The following PLPP4 variants were observed in gnomAD, a reference collection of about 807,000 sequenced individuals.
PLPP4 encodes phospholipid phosphatase 4, also known as diacylglycerol pyrophosphate like 2.
In PLPP4, 20 loss-of-function variants were observed where a neutral mutation model predicts 32.2. That is an observed-to-expected ratio of 0.62 (90% confidence interval 0.44 to 0.90). PLPP4 has a LOEUF of 0.90. Among genes scored for constraint, PLPP4 ranks in the 40% least tolerant of loss-of-function variants. The probability of loss-of-function intolerance (pLI) is 0.00; values close to 1 mark genes in which losing one functional copy is unlikely to be tolerated. For synonymous variants in PLPP4, 127 were observed against 133.0 expected (o/e 0.95, Z 0.31); for missense variants, 257 against 353.1 (o/e 0.73, Z 2.18).
rs1391608021 is a variant in PLPP4, at chr10:120,468,015, G to T, written c.56+10654G>T. On this transcript the variant is annotated intron_variant, in intron 1 of 6. Coordinates refer to ENST00000398250, the MANE Select transcript of PLPP4 (RefSeq NM_001030059.3). The stretch of plus-strand genomic sequence containing the variant: ...TGGTTTTCTGTTCCTGCATTATCTT[G>T]CTAAGGATAATGACCTCCAGCCCCA... 3.1e-5 allele frequency among the ~76,000 whole-genome samples: 2 copies of T among 64,458 alleles called. 1 individual carries two copies. The highest frequency in any genetic ancestry group is 9.0e-5 in the Non-Finnish European group (2 of 22,238). 42.3% of individuals were successfully genotyped at this position (64,458 alleles called of 152,430 possible). A position where few individuals can be genotyped will look rare whatever the true frequency, so the allele number is the denominator to read the frequency against.
At chr10:120,510,696 C>G (rs1845689730) in intron 2 of PLPP4, among the ~76,000 whole-genome samples, 1 of 127,608 alleles carries the variant, frequency 7.8e-6, no homozygotes, top group Admixed American at 8.3e-5. Context: ...GTGTTTTGCC[C>G]TAGGAGGAAG....
At chr10:120,557,462 C>T (rs1351022241) in intron 5 of PLPP4, among the ~76,000 whole-genome samples, 7 of 152,118 alleles carry the variant, frequency 4.6e-5, no homozygotes, top group Admixed American at 2.6e-4. Context: ...AACCTCCAAA[C>T]GCCTCTTGTA....
intron 6 of PLPP4, among the ~76,000 whole-genome samples, chr10:120,578,741 A>G (rs1010701200): frequency 6.6e-6 from 1 of 152,220 alleles, no homozygotes; most frequent in Non-Finnish European, 1.5e-5. Context: ...GGAAGGAGAC[A>G]TGAAACATTT....
At chr10:120,565,468 T>C (rs1848652056) in intron 5 of PLPP4, among the ~76,000 whole-genome samples, 1 of 152,176 alleles carries the variant, frequency 6.6e-6, no homozygotes, top group Non-Finnish European at 1.5e-5. Context: ...TCTTTCTTTC[T>C]GAACTTTGAT....
chr10:120,563,950 G>T (rs554736994), intron 5 of PLPP4, among the ~76,000 whole-genome samples: 3 of 148,038 alleles, frequency 2.0e-5, no homozygotes, highest in Non-Finnish European at 4.5e-5. Context: ...TGGTATTTTT[G>T]CTTTGAGCCT....
chr10:120,508,571 TCC>T (rs1338693121), intron 2 of PLPP4, among the ~76,000 whole-genome samples: 9 of 152,298 alleles, frequency 5.9e-5, no homozygotes, highest in Non-Finnish European at 1.3e-4. Flanking sequence ...TTTTGTGGTT[TCC>T]CAGAAGCGCC....
At chr10:120,579,083 G>A (rs535118466) in intron 6 of PLPP4, among the ~76,000 whole-genome samples, 2 of 152,310 alleles carry the variant, frequency 1.3e-5, no homozygotes, top group Non-Finnish European at 2.9e-5. Context: ...ACAACTACTA[G>A]TGGCAGGAAT....
chr10:120,496,742 G>A (rs142334459), intron 1 of PLPP4, among the ~76,000 whole-genome samples: 36 of 152,260 alleles, frequency 2.4e-4, no homozygotes, highest in African/African-American at 7.5e-4. Context: ...ATTTGGCAAA[G>A]ATGATAGTCC....
chr10:120,565,604 C>G (rs1424957686), intron 5 of PLPP4, among the ~76,000 whole-genome samples: 1 of 152,022 alleles, frequency 6.6e-6, no homozygotes, highest in African/African-American at 2.4e-5. Context: ...CAACTTGCTT[C>G]TCTTTTTGTG....
At chr10:120,462,373 GTT>G (rs892653723) in intron 1 of PLPP4, among the ~76,000 whole-genome samples, 1 of 152,208 alleles carries the variant, frequency 6.6e-6, no homozygotes, top group Admixed American at 6.5e-5. Context: ...ATGCTCAGAT[GTT>G]TGCCCAGGGG....
intron 5 of PLPP4, among the ~76,000 whole-genome samples, chr10:120,542,702 C>G (rs1241187756): frequency 6.6e-6 from 1 of 152,202 alleles, no homozygotes; most frequent in African/African-American, 2.4e-5. Flanking sequence ...CCTACATTCT[C>G]AATTCCGCAG....
At chr10:120,486,478 T>C (rs1024243251) in intron 1 of PLPP4, among the ~76,000 whole-genome samples, 3 of 152,188 alleles carry the variant, frequency 2.0e-5, no homozygotes, top group African/African-American at 7.2e-5. Flanking sequence ...TTTGACCAGC[T>C]GTAAAATGGG....
chr10:120,553,351 G>T lies in PLPP4; in HGVS notation c.446-21780G>T, dbSNP rs551345355. Among the ~76,000 whole-genome samples, 37 of 152,244 alleles carry T rather than the reference G, an allele frequency of 2.4e-4. 1 individual carries two copies. Among genetic ancestry groups the T allele is most frequent in the Non-Finnish European group, 4.3e-4 (29 of 68,008 alleles). On this transcript the variant is annotated intron_variant, in intron 5 of 6. Transcript: ENST00000398250. ...AGGGTCATAGGGTCCTTATGAATGG[G>T]ATTAGTGCCCTCCTAAAAGAAGCTC...
At chr10:120,543,765 TC>T (rs1847473565) in intron 5 of PLPP4, among the ~76,000 whole-genome samples, 1 of 152,128 alleles carries the variant, frequency 6.6e-6, no homozygotes, top group Non-Finnish European at 1.5e-5. Flanking sequence ...AAACACTGAC[TC>T]CCCATTCCCC....
intron 5 of PLPP4, among the ~76,000 whole-genome samples, chr10:120,537,613 T>C (rs569778549): frequency 6.6e-6 from 1 of 152,142 alleles, no homozygotes; most frequent in East Asian, 1.9e-4. Context: ...GAAAACCTAA[T>C]GTACAGGAAG....
rs59076083 is a variant in PLPP4 at position 120,580,642 on chromosome 10, TACACACACACACAC to T, written c.616+5366_616+5379del. Among the ~76,000 whole-genome samples the T allele has an allele frequency of 6.6e-3, 629 of 95,748 alleles. 2 individuals carry two copies. The highest frequency in any genetic ancestry group is 0.01 in the Non-Finnish European group (448 of 44,648). 62.8% of individuals were successfully genotyped at this position (95,748 alleles called of 152,430 possible). ...CATCTCTCTGTCTGCCTCTGTCTCT[TACACACACACACAC>T]ACACACACACACACACACACACACG... is the stretch of plus-strand genomic sequence containing the variant. On this transcript the variant is annotated intron_variant, in intron 6 of 6. Coordinates refer to ENST00000398250, the MANE Select transcript of PLPP4 (RefSeq NM_001030059.3).
intron 1 of PLPP4, among the ~76,000 whole-genome samples, chr10:120,484,711 T>TA (rs1331227554): frequency 1.2e-4 from 18 of 152,272 alleles, no homozygotes; most frequent in African/African-American, 4.1e-4. Context: ...GGGGGACACA[T>TA]TCGAACCATA....
intron 5 of PLPP4, among the ~76,000 whole-genome samples, chr10:120,556,014 C>G (rs1848146554): frequency 6.6e-6 from 1 of 152,186 alleles, no homozygotes; most frequent in African/African-American, 2.4e-5. Context: ...CCTCTGCTTT[C>G]TGTCTTAGCT....
In PLPP4 at chr10:120,503,947, C is replaced by T. The variant is rs201144884; in HGVS notation, c.165+21C>T. ...TGTTTGTAAGTACCATGATTTCATT[C>T]CTTATTTGACTGCTCTCTCAAAGAT... is the stretch of plus-strand genomic sequence containing the variant. On this transcript the variant is annotated intron_variant, in intron 2 of 6. Transcript: ENST00000398250. 321 of 1,458,300 alleles carry T rather than the reference C, an allele frequency of 2.2e-4. 1 individual carries two copies. The East Asian group carries it at 7.0e-3, about 32-fold the overall frequency. The allele number at this position is 1,458,300 out of a possible 1,614,324, so 90.3% of individuals were successfully genotyped here. A position where few individuals can be genotyped will look rare whatever the true frequency, so the allele number is the denominator to read the frequency against.
Sources: allele counts gnomAD v4.1 joint callset (sites outside exome capture counted in the v4.1 genomes callset), GRCh38; gene constraint gnomAD v4.1.1; transcripts MANE v1.5; gene names NCBI Gene and HGNC (gene_info 2026-07-23, HGNC 2026-07-21).